Variants in MBOAT2 observed in about 807,000 individuals in gnomAD.
The protein encoded by MBOAT2 is membrane-bound glycerophospholipid O-acyltransferase 2.
In MBOAT2, 28 loss-of-function variants were observed where a neutral mutation model predicts 63.4. That is an observed-to-expected ratio of 0.44 (90% CI 0.33 to 0.61). The LOEUF (loss-of-function observed/expected upper bound fraction) is 0.61, where lower values mean the gene tolerates loss of function less well. Ranked by LOEUF, MBOAT2 falls within the 20% of genes least tolerant of loss-of-function variation. MBOAT2 has a pLI of 0.03. For synonymous variants in MBOAT2, 211 were observed against 215.6 expected (o/e 0.98, Z 0.19); for missense variants, 470 against 605.8 (o/e 0.78, Z 2.35).
chr2:8,979,604 T>C (rs1269540759), intron 1 of MBOAT2, among the ~76,000 whole-genome samples: 2 of 152,158 alleles, frequency 1.3e-5, no homozygotes, highest in African/African-American at 4.8e-5. Context: ...TTTTATTTTA[T>C]GCAGATCATT....
chr2:8,980,777 T>C (rs1381702238), intron 1 of MBOAT2, among the ~76,000 whole-genome samples: 1 of 152,136 alleles, frequency 6.6e-6, no homozygotes, highest in Non-Finnish European at 1.5e-5. Context: ...TATAAAATAG[T>C]ACAACCACTT....
intron 2 of MBOAT2, among the ~76,000 whole-genome samples, chr2:8,945,658 C>T (rs1385992150): frequency 4.6e-5 from 7 of 152,004 alleles, no homozygotes; most frequent in East Asian, 1.9e-4. Flanking sequence ...GGAATGCAGC[C>T]GGGTAGAATG....
chr2:8,895,302 T>A (rs1306417091), intron 4 of MBOAT2, among the ~76,000 whole-genome samples: 1 of 152,174 alleles, frequency 6.6e-6, no homozygotes, highest in Non-Finnish European at 1.5e-5. Flanking sequence ...TGGTCCATTT[T>A]ACAGAGTGCT....
intron 11 of MBOAT2, 46 bp from the exon 12 acceptor site, chr2:8,860,810 T>A: frequency 7.0e-7 from 1 of 1,432,256 alleles, no homozygotes; most frequent in South Asian, 1.3e-5. Context: ...TAAATTAACA[T>A]TACTTATGCA....
At chr2:8,933,018 T>G (rs1667432787) in intron 3 of MBOAT2, among the ~76,000 whole-genome samples, 1 of 152,196 alleles carries the variant, frequency 6.6e-6, no homozygotes, top group Non-Finnish European at 1.5e-5. Context: ...CACTCATGCT[T>G]CTTTTCTCAC....
intron 1 of MBOAT2, among the ~76,000 whole-genome samples, chr2:8,982,273 T>A (rs906853680): frequency 6.6e-6 from 1 of 152,170 alleles, no homozygotes; most frequent in Non-Finnish European, 1.5e-5. Flanking sequence ...GACGAGTAGG[T>A]AAGACCTGGA....
intron 4 of MBOAT2, among the ~76,000 whole-genome samples, chr2:8,907,719 T>C (rs1665433599): frequency 6.6e-6 from 1 of 152,230 alleles, no homozygotes; most frequent in Non-Finnish European, 1.5e-5. Flanking sequence ...TTTGATGTAA[T>C]TTCCTTTCAT....
intron 3 of MBOAT2, among the ~76,000 whole-genome samples, chr2:8,919,234 G>A (rs1666401328): frequency 6.6e-6 from 1 of 152,138 alleles, no homozygotes; most frequent in African/African-American, 2.4e-5. Context: ...TTTTCACCCT[G>A]GGTAGAAACC....
intron 2 of MBOAT2, among the ~76,000 whole-genome samples, chr2:8,949,838 T>C (rs1002849015): frequency 6.6e-6 from 1 of 152,238 alleles, no homozygotes. Flanking sequence ...TTTGGTTCCA[T>C]ATGAATTTTA....
intron 11 of MBOAT2, among the ~76,000 whole-genome samples, chr2:8,861,964 C>T (rs1164687348): frequency 6.6e-6 from 1 of 152,142 alleles, no homozygotes; most frequent in Non-Finnish European, 1.5e-5. Context: ...TAAATGAAGC[C>T]CTCTTACCTG....
intron 1 of MBOAT2, among the ~76,000 whole-genome samples, chr2:8,966,196 T>C (rs956348309): frequency 2.6e-5 from 4 of 152,194 alleles, no homozygotes; most frequent in African/African-American, 4.8e-5. Context: ...TAACAAACTA[T>C]ACACTTATTG....
chr2:8,922,261 A>G (rs1331354778), intron 3 of MBOAT2, among the ~76,000 whole-genome samples: 2 of 152,108 alleles, frequency 1.3e-5, no homozygotes, highest in Admixed American at 6.5e-5. Context: ...TATTTGTTAA[A>G]TCATGATCCT....
intron 3 of MBOAT2, among the ~76,000 whole-genome samples, chr2:8,909,661 G>C (rs1200859114): frequency 6.6e-6 from 1 of 152,086 alleles, no homozygotes; most frequent in Non-Finnish European, 1.5e-5. Flanking sequence ...TCAAACTTTT[G>C]ACAAATAGTT....
chr2:8,929,245 T>C (rs150744986), intron 3 of MBOAT2, among the ~76,000 whole-genome samples: 366 of 152,346 alleles, frequency 2.4e-3, no homozygotes, highest in African/African-American at 8.5e-3. Flanking sequence ...GAAAGTACTA[T>C]TACTAATTAA....
chr2:8,899,555 T>C (rs1186606273), intron 4 of MBOAT2, among the ~76,000 whole-genome samples: 2 of 152,222 alleles, frequency 1.3e-5, no homozygotes, highest in African/African-American at 4.8e-5. Context: ...CCCTCAGTCC[T>C]GTTGTTGGAT....
chr2:8,962,357 T>C (rs900941811), intron 1 of MBOAT2, among the ~76,000 whole-genome samples: 4 of 152,204 alleles, frequency 2.6e-5, no homozygotes, highest in African/African-American at 7.2e-5. Flanking sequence ...TGATGGTCTT[T>C]AGTACCAGTC....
chr2:8,959,733 G>A (rs1669483525), intron 1 of MBOAT2, among the ~76,000 whole-genome samples: 1 of 152,116 alleles, frequency 6.6e-6, no homozygotes, highest in Non-Finnish European at 1.5e-5. Flanking sequence ...AAAGTGCTGG[G>A]ATAATAGGCA....
chr2:8,999,660 C>T (rs1389027109), intron 1 of MBOAT2, among the ~76,000 whole-genome samples: 1 of 152,174 alleles, frequency 6.6e-6, no homozygotes, highest in South Asian at 2.1e-4. Flanking sequence ...CTTGGCACAG[C>T]TCTTTCTCAG....
At chr2:8,949,099 A>AT (rs1387899468) in intron 2 of MBOAT2, among the ~76,000 whole-genome samples, 21 of 151,966 alleles carry the variant, frequency 1.4e-4, no homozygotes, top group Admixed American at 5.9e-4. Flanking sequence ...ATGTGCAGTA[A>AT]TTTTTTCATG....
Sources: allele counts gnomAD v4.1 joint callset (sites outside exome capture counted in the v4.1 genomes callset), GRCh38; gene constraint gnomAD v4.1.1; transcripts MANE v1.5; gene names NCBI Gene and HGNC (gene_info 2026-07-23, HGNC 2026-07-21).